ATXN10: variants seen among roughly 807,000 people sequenced by gnomAD.
The protein encoded by ATXN10 is ataxin-10.
Under a neutral mutation model 52.9 loss-of-function variants are expected in ATXN10, and 28 were observed. The observed-to-expected ratio is 0.53, with a 90% CI of 0.39 to 0.73. The LOEUF (loss-of-function observed/expected upper bound fraction) is 0.73. Among genes scored for constraint, ATXN10 ranks in the 30% least tolerant of loss-of-function variants. The pLI is 0.00. For synonymous variants in ATXN10, 226 were observed against 221.5 expected, an observed-to-expected ratio of 1.02 and a Z score of -0.18; for missense variants, 565 against 577.0, an observed-to-expected ratio of 0.98 and a Z score of 0.21.
intron 6 of ATXN10, among the ~76,000 whole-genome samples, chr22:45,721,419 T>G (rs928187826): frequency 6.6e-6 from 1 of 152,196 alleles, no homozygotes; most frequent in African/African-American, 2.4e-5. Context: ...TTATGATAAC[T>G]GATTGAAATG....
rs1353474324 is a variant in ATXN10 at position 45,805,693 on chromosome 22, G to C, written c.1174-1266G>C. Among the ~76,000 whole-genome samples, 1 of 152,200 alleles carries C rather than the reference G, an allele frequency of 6.6e-6. No homozygotes were observed. The highest frequency in any genetic ancestry group is 2.4e-5 in the African/African-American group (1 of 41,440). On this transcript the variant is annotated intron_variant, in intron 9 of 11. Transcript: ENST00000252934. The surrounding 1 kb of genome is among the most constrained non-coding windows in gnomAD (Gnocchi z 4.4). The stretch of plus-strand genomic sequence containing the variant: ...TAGAAGGATAGTTGCCAAGGACTGG[G>C]GGGAGGGAAGAATAAGGAGTGACTG...
intron 9 of ATXN10, among the ~76,000 whole-genome samples, chr22:45,756,089 G>C (rs778955588): frequency 6.6e-6 from 1 of 152,162 alleles, no homozygotes; most frequent in African/African-American, 2.4e-5. Flanking sequence ...CCATTAGCCA[G>C]AGTTTTCCAT....
chr22:45,804,021 A>T (rs984188263), intron 9 of ATXN10, among the ~76,000 whole-genome samples: 1 of 152,192 alleles, frequency 6.6e-6, no homozygotes, highest in African/African-American at 2.4e-5. Flanking sequence ...TTTGGATAGG[A>T]TATAGTATAA....
rs775104650 is a variant in ATXN10, at chr22:45,781,621, C to G, written c.1174-25338C>G. Reference sequence around the variant, plus strand: ...AAATCTTAGCTTAAGTGAGCAAAGGCAGTCAACAGATGCCAATACCAAGAT... The same window carrying G: ...AAATCTTAGCTTAAGTGAGCAAAGGGAGTCAACAGATGCCAATACCAAGAT... On this transcript the variant is annotated intron_variant, in intron 9 of 11. Coordinates refer to ENST00000252934, the MANE Select transcript of ATXN10 (RefSeq NM_013236.4). This position sits in a 1 kb window ranked among gnomAD's most constrained non-coding sequence, Gnocchi z 4.2. Among the ~76,000 whole-genome samples, 12 of 152,154 alleles carry G rather than the reference C, an allele frequency of 7.9e-5. No individual in the cohort carries two copies. The highest frequency in any genetic ancestry group is 3.9e-4 in the Admixed American group (6 of 15,274).
intron 9 of ATXN10, among the ~76,000 whole-genome samples, chr22:45,803,314 A>G (rs1927988100): frequency 6.6e-6 from 1 of 152,088 alleles, no homozygotes; most frequent in Non-Finnish European, 1.5e-5. Context: ...TTCATGTTTC[A>G]TCTTATCTTC....
At chr22:45,749,674 A>T (rs766710246) in intron 9 of ATXN10, among the ~76,000 whole-genome samples, 3 of 151,144 alleles carry the variant, frequency 2.0e-5, no homozygotes, top group Non-Finnish European at 3.0e-5. Context: ...CAGTTCTCCT[A>T]CCTCAGCCTC....
In ATXN10 at chr22:45,732,390, T is replaced by C. The variant is rs1046446147; in HGVS notation, c.894+2800T>C. On this transcript the variant is annotated intron_variant, in intron 7 of 11. Transcript: ENST00000252934. The surrounding 1 kb of genome is among the most constrained non-coding windows in gnomAD (Gnocchi z 4.5). ...GGGAGGCTTGCCTAAGCCCAGAAGA[T>C]TGAGGCTGCAGTGAGCTGTGATTGC... Among the ~76,000 whole-genome samples the C allele has an allele frequency of 2.0e-5, 3 of 152,034 alleles. No homozygotes were observed. The East Asian group carries it at 5.8e-4, about 29-fold the overall frequency.
At position 45,820,039 on chromosome 22, in the gene ATXN10, G is replaced by A. The variant is rs1928597247; in HGVS notation, c.1237+13017G>A. On this transcript the variant is annotated intron_variant, in intron 10 of 11. Coordinates refer to ENST00000252934, the MANE Select transcript of ATXN10 (RefSeq NM_013236.4). The surrounding 1 kb of genome is among the most constrained non-coding windows in gnomAD (Gnocchi z 4.9). The stretch of plus-strand genomic sequence containing the variant: ...TGTGTCACAGCCATTCAGCACTGTT[G>A]GACTGTAACTCCTGGGCTGTTTTAT... 6.6e-6 allele frequency among the ~76,000 whole-genome samples: 1 copy of A among 152,114 alleles called. No individual in the cohort carries two copies. Among genetic ancestry groups the A allele is most frequent in the South Asian group, 2.1e-4 (1 of 4,832 alleles).
chr22:45,720,003 GTTT>G (rs1304395910), intron 6 of ATXN10, among the ~76,000 whole-genome samples: 1 of 152,136 alleles, frequency 6.6e-6, no homozygotes, highest in Non-Finnish European at 1.5e-5. Flanking sequence ...AAAAAAAATA[GTTT>G]TTCAGTGAAA....
At chr22:45,700,700 A>T (rs975443709) in intron 4 of ATXN10, among the ~76,000 whole-genome samples, 7 of 152,232 alleles carry the variant, frequency 4.6e-5, no homozygotes, top group African/African-American at 1.7e-4. Context: ...AAAGTCATGG[A>T]TAAAGTAAGT....
At chr22:45,697,811 T>C (rs923114201) in intron 3 of ATXN10, among the ~76,000 whole-genome samples, 8 of 152,012 alleles carry the variant, frequency 5.3e-5, no homozygotes, top group African/African-American at 1.9e-4. Context: ...TTTGTATTTT[T>C]AGTAGAGACG....
intron 9 of ATXN10, among the ~76,000 whole-genome samples, chr22:45,777,100 G>A (rs1417750729): frequency 6.6e-6 from 1 of 152,084 alleles, no homozygotes; most frequent in African/African-American, 2.4e-5. Flanking sequence ...TAATTCATTT[G>A]GGTTTTCCTG....
In ATXN10 at chr22:45,786,771, C is replaced by T. The variant is rs776128758; in HGVS notation, c.1174-20188C>T. Reference sequence around the variant, plus strand: ...TCAAAAAAGCAACTTTAAAAATCTGCAGCATCAGTAATTAAAAGGGAAGCA... The same window carrying T: ...TCAAAAAAGCAACTTTAAAAATCTGTAGCATCAGTAATTAAAAGGGAAGCA... On this transcript the variant is annotated intron_variant, in intron 9 of 11. Transcript: ENST00000252934. This position sits in a 1 kb window ranked among gnomAD's most constrained non-coding sequence, Gnocchi z 4.1. Among the ~76,000 whole-genome samples, 1 of 152,184 alleles carries T rather than the reference C, an allele frequency of 6.6e-6. No homozygotes were observed. The highest frequency in any genetic ancestry group is 6.5e-5 in the Admixed American group (1 of 15,284).
At position 45,733,801 on chromosome 22, in the gene ATXN10, T is replaced by TC. The variant is rs1187021461; in HGVS notation, c.894+4213dup. Among the ~76,000 whole-genome samples the TC allele has an allele frequency of 6.6e-6, 1 of 151,374 alleles. No homozygotes were observed. The highest frequency in any genetic ancestry group is 1.5e-5 in the Non-Finnish European group (1 of 67,816). On this transcript the variant is annotated intron_variant, in intron 7 of 11. Transcript: ENST00000252934. This position sits in a 1 kb window ranked among gnomAD's most constrained non-coding sequence, Gnocchi z 4.4. ...AAAGTTTTCCCCTTTTTGCCCAGCC[T>TC]CCATTTGTTTTCTATAGATCTGCAT...
Position 45,757,515 on chromosome 22 carries a change from C to T in ATXN10, c.1173+16977C>T, listed in dbSNP as rs755598691. 1.3e-5 allele frequency among the ~76,000 whole-genome samples: 2 copies of T among 152,030 alleles called. No homozygotes were observed. The highest frequency in any genetic ancestry group is 2.9e-5 in the Non-Finnish European group (2 of 67,968). ...CAAAGGGAGGTGTGGATGTTTCATT[C>T]AGTACTTTGGAGGGAGAAAGAAATG... On this transcript the variant is annotated intron_variant, in intron 9 of 11. Coordinates refer to ENST00000252934, the MANE Select transcript of ATXN10 (RefSeq NM_013236.4). This position sits in a 1 kb window ranked among gnomAD's most constrained non-coding sequence, Gnocchi z 4.6.
At position 45,732,003 on chromosome 22, in the gene ATXN10, C is replaced by T. The variant is rs1306766026; in HGVS notation, c.894+2413C>T. 6.6e-6 allele frequency among the ~76,000 whole-genome samples: 1 copy of T among 152,190 alleles called. No homozygotes were observed. The highest frequency in any genetic ancestry group is 1.5e-5 in the Non-Finnish European group (1 of 68,022). ...GAGACAGAGAAAAGACAGATCACAG[C>T]TTTAAACTTTTCAGGGCACTTCTGT... On this transcript the variant is annotated intron_variant, in intron 7 of 11. Transcript: ENST00000252934. The surrounding 1 kb of genome is among the most constrained non-coding windows in gnomAD (Gnocchi z 4.5).
intron 9 of ATXN10, among the ~76,000 whole-genome samples, chr22:45,796,968 G>T (rs1927763757): frequency 6.6e-6 from 1 of 152,130 alleles, no homozygotes; most frequent in African/African-American, 2.4e-5. Flanking sequence ...TAAGGACAAA[G>T]AATTTCCCTA....
intron 9 of ATXN10, 181 bp downstream of exon 9, chr22:45,740,719 CAT>C (rs1555891806): frequency 4.6e-4 from 155 of 339,472 alleles, no homozygotes; most frequent in South Asian, 2.2e-3. Flanking sequence ...CACACACACA[CAT>C]ATATATACAC....
intron 9 of ATXN10, among the ~76,000 whole-genome samples, chr22:45,777,332 T>A (rs1030665395): frequency 6.6e-6 from 1 of 152,218 alleles, no homozygotes; most frequent in Non-Finnish European, 1.5e-5. Flanking sequence ...TCTTTAATGA[T>A]GATGGAATAT....
Sources: gnomAD v4.1 joint callset for allele counts (sites outside exome capture counted in the v4.1 genomes callset) on GRCh38, gnomAD v4.1.1 for gene constraint, Gnocchi (gnomAD v3.1) non-coding constraint, MANE v1.5 for transcripts, NCBI Gene and HGNC (gene_info 2026-07-23, HGNC 2026-07-21) for gene names.